SPATA16: variants seen among roughly 807,000 people sequenced by gnomAD.
SPATA16 encodes spermatogenesis associated 16.
Under a neutral mutation model 63.3 loss-of-function variants are expected in SPATA16, and 36 were observed. The ratio of observed to expected loss-of-function variants is 0.57; its 90% CI spans 0.44 to 0.75. The LOEUF (loss-of-function observed/expected upper bound fraction) is 0.75, where lower values mean the gene tolerates loss of function less well. Ranked by LOEUF, SPATA16 falls within the 30% of genes least tolerant of loss-of-function variation. The pLI, the probability that SPATA16 is intolerant of heterozygous loss-of-function variation, is 0.00. For missense variants in SPATA16, 646 were observed against 679.3 expected, an observed-to-expected ratio of 0.95 and a Z score of 0.54; for synonymous variants, 203 against 216.7, an observed-to-expected ratio of 0.94 and a Z score of 0.56.
At chr3:173,126,627 G>T (rs1347682991) in intron 1 of SPATA16, among the ~76,000 whole-genome samples, 1 of 152,120 alleles carries the variant, frequency 6.6e-6, no homozygotes, top group Non-Finnish European at 1.5e-5. Context: ...AGGCTTTCAC[G>T]TTTGGTTTCT....
chr3:172,889,829 A>G (rs913278564), intron 10 of SPATA16, 137 bp from the exon 11 acceptor site: 1 of 1,236,410 alleles, frequency 8.1e-7, no homozygotes, highest in African/African-American at 1.5e-5. Flanking sequence ...AACAGAAATG[A>G]TTACACATAA....
chr3:172,942,911 A>G (rs1733189526), intron 6 of SPATA16, among the ~76,000 whole-genome samples: 1 of 147,682 alleles, frequency 6.8e-6, no homozygotes. Flanking sequence ...CAGACATTAA[A>G]AACTGTGTAT....
chr3:173,058,000 CA>C (rs1199908403), intron 2 of SPATA16, among the ~76,000 whole-genome samples: 2 of 151,970 alleles, frequency 1.3e-5, no homozygotes, highest in Non-Finnish European at 2.9e-5. Flanking sequence ...TTAGATAATT[CA>C]GAAATTATAA....
At position 173,049,008 on chromosome 3, in the gene SPATA16, C is replaced by T; in HGVS notation, c.699G>A (p.Lys233=). The change falls in exon 3 of 11, where the codon AAG becomes AAA. Residue 233 remains lysine (K), a synonymous_variant. Coordinates refer to ENST00000351008, the MANE Select transcript of SPATA16 (RefSeq NM_031955.6). ...TCATCCGTAGATAACAGGTAACAAG[C>T]TTTGTCTCAATGAAACTTGCCACGC... The part of the protein sequence containing the change: ...IASVASFIET[K]LVTCYLRMRK... The T allele has an allele frequency of 1.9e-6, 3 of 1,613,840 alleles. No homozygotes were observed. The highest frequency in any genetic ancestry group is 2.5e-6 in the Non-Finnish European group (3 of 1,179,780).
At chr3:173,028,544 T>C (rs1260981837) in intron 3 of SPATA16, among the ~76,000 whole-genome samples, 4 of 151,936 alleles carry the variant, frequency 2.6e-5, no homozygotes, top group African/African-American at 4.8e-5. Context: ...GGAACTTATA[T>C]CACTGATGAC....
rs115241946 is a variant in SPATA16, at chr3:173,062,005, C to T, written c.613-12911G>A. Among the ~76,000 whole-genome samples, 507 of 151,120 alleles carry T rather than the reference C, an allele frequency of 3.4e-3. 3 individuals are homozygous for T. The highest frequency in any genetic ancestry group is 0.012 in the African/African-American group (478 of 41,158). ...TGAATGACAGTAAAAAGTAATTAAT[C>T]ACTCCTACTCCTATTTGTTAAAATA... On this transcript the variant is annotated intron_variant, in intron 2 of 10. Transcript: ENST00000351008.
intron 10 of SPATA16, among the ~76,000 whole-genome samples, chr3:172,911,206 A>T (rs1348066337): frequency 6.6e-6 from 1 of 152,174 alleles, no homozygotes; most frequent in Non-Finnish European, 1.5e-5. Flanking sequence ...AGTTTTTCCA[A>T]AAGTTGCAAA....
chr3:173,053,445 A>G (rs919718264), intron 2 of SPATA16, among the ~76,000 whole-genome samples: 6 of 152,300 alleles, frequency 3.9e-5, no homozygotes, highest in Admixed American at 3.3e-4. Flanking sequence ...TCAAATTTTA[A>G]TAAGGTTTCT....
intron 1 of SPATA16, among the ~76,000 whole-genome samples, chr3:173,134,482 C>G (rs1187901220): frequency 6.6e-6 from 1 of 151,152 alleles, no homozygotes; most frequent in Non-Finnish European, 1.5e-5. Flanking sequence ...GAGCAAGACT[C>G]TGCCTCAAAA....
chr3:173,018,101 T>G (rs899203700), intron 4 of SPATA16, among the ~76,000 whole-genome samples: 2 of 152,166 alleles, frequency 1.3e-5, no homozygotes, highest in Admixed American at 6.5e-5. Flanking sequence ...TTTTAAAAAC[T>G]GTTCAAAGTG....
At chr3:173,054,523 C>A (rs1352029565) in intron 2 of SPATA16, among the ~76,000 whole-genome samples, 1 of 152,080 alleles carries the variant, frequency 6.6e-6, no homozygotes, top group Non-Finnish European at 1.5e-5. Context: ...CCTCAGCAAA[C>A]TAACACAGGA....
In SPATA16 at chr3:173,100,707, C is replaced by CAGAGAGAG. The variant is rs372027586; in HGVS notation, c.612+16412_612+16413insCTCTCTCT. Reference sequence around the variant, plus strand: ...ACACACACACACACACACACACACACAGAGTAAATTCTTGTTTATCAATTT... The same window carrying CAGAGAGAG: ...ACACACACACACACACACACACACACAGAGAGAGAGAGTAAATTCTTGTTTATCAATTT... On this transcript the variant is annotated intron_variant, in intron 2 of 10. Transcript: ENST00000351008. Among the ~76,000 whole-genome samples, 13 of 143,930 alleles carry CAGAGAGAG rather than the reference C, an allele frequency of 9.0e-5. 1 individual carries two copies. The highest frequency in any genetic ancestry group is 2.9e-4 in the African/African-American group (11 of 37,814). The allele number at this position is 143,930 out of a possible 152,430, so 94.4% of individuals were successfully genotyped here. A position where few individuals can be genotyped will look rare whatever the true frequency, so the allele number is the denominator to read the frequency against.
At chr3:173,140,676 A>C (rs1738688060) in intron 1 of SPATA16, among the ~76,000 whole-genome samples, 1 of 152,202 alleles carries the variant, frequency 6.6e-6, no homozygotes, top group African/African-American at 2.4e-5. Flanking sequence ...TAAAATGTGA[A>C]CTCTGAATTA....
chr3:173,068,893 G>A (rs1421674610), intron 2 of SPATA16, among the ~76,000 whole-genome samples: 2 of 150,692 alleles, frequency 1.3e-5, no homozygotes, highest in Admixed American at 6.6e-5. Context: ...GGCGGATCAC[G>A]AGGTCAGGAG....
chr3:173,123,484 A>G (rs565524636), intron 1 of SPATA16, among the ~76,000 whole-genome samples: 5 of 152,136 alleles, frequency 3.3e-5, no homozygotes, highest in African/African-American at 9.6e-5. Flanking sequence ...GTAACAAGAT[A>G]TTTGACTTTA....
chr3:172,957,751 A>G (rs1733635519), intron 5 of SPATA16, among the ~76,000 whole-genome samples: 1 of 152,218 alleles, frequency 6.6e-6, no homozygotes, highest in African/African-American at 2.4e-5. Context: ...TCAACAGAGA[A>G]AAAACCATTT....
intron 2 of SPATA16, among the ~76,000 whole-genome samples, chr3:173,056,805 G>A (rs143329353): frequency 6.5e-4 from 97 of 149,726 alleles, no homozygotes; most frequent in African/African-American, 2.2e-3. Context: ...TTTACATTAT[G>A]GTATTTCCCA....
At chr3:172,962,624 T>C (rs1156932708) in intron 5 of SPATA16, among the ~76,000 whole-genome samples, 1 of 152,166 alleles carries the variant, frequency 6.6e-6, no homozygotes, top group African/African-American at 2.4e-5. Flanking sequence ...TGCTTTTATA[T>C]AGGCTATTTC....
intron 4 of SPATA16, among the ~76,000 whole-genome samples, 194 bp from the exon 5 acceptor site, chr3:172,977,246 A>G (rs71310530): frequency 1.3e-5 from 2 of 150,382 alleles, no homozygotes; most frequent in African/African-American, 4.8e-5. Context: ...AGGTAGATAA[A>G]CCAAAACTAT....
Sources: allele counts gnomAD v4.1 joint callset (sites outside exome capture counted in the v4.1 genomes callset), GRCh38; gene constraint gnomAD v4.1.1; transcripts MANE v1.5; gene names NCBI Gene and HGNC (gene_info 2026-07-23, HGNC 2026-07-21).